BNC2: variants seen among roughly 807,000 people sequenced by gnomAD.
The protein encoded by BNC2 is zinc finger protein basonuclin-2.
In BNC2, 20 loss-of-function variants were observed where a neutral mutation model predicts 76.3. The ratio of observed to expected loss-of-function variants is 0.26; its 90% CI spans 0.18 to 0.38. The LOEUF (loss-of-function observed/expected upper bound fraction) is 0.38, where lower values mean the gene tolerates loss of function less well. Among genes scored for constraint, BNC2 ranks in the 10% least tolerant of loss-of-function variants. The probability of loss-of-function intolerance (pLI) is 1.00; values close to 1 mark genes in which losing one functional copy is unlikely to be tolerated. For missense variants in BNC2, 1,382 were observed against 1,399.8 expected (o/e 0.99, Z 0.20); for synonymous variants, 582 against 514.8 (o/e 1.13, Z -1.77).
At chr9:16,458,037 G>C (rs140757343) in intron 5 of BNC2, among the ~76,000 whole-genome samples, 253 of 152,206 alleles carry the variant, frequency 1.7e-3, no homozygotes, top group African/African-American at 5.9e-3. Context: ...TAGAATGTCT[G>C]TCTTTATTTG....
chr9:16,748,490 GGAGACAGAGTGA>G (rs1825075900), intron 1 of BNC2, among the ~76,000 whole-genome samples: 1 of 151,968 alleles, frequency 6.6e-6, no homozygotes, highest in Non-Finnish European at 1.5e-5. Flanking sequence ...CTCCAGCCTG[GGAGACAGAGTGA>G]GACATTGTCT....
intron 3 of BNC2, among the ~76,000 whole-genome samples, chr9:16,616,547 T>A (rs573432729): frequency 1.9e-4 from 28 of 150,868 alleles, no homozygotes; most frequent in African/African-American, 6.3e-4. Context: ...AAAAATTTTT[T>A]AAATTAGCCA....
intron 6 of BNC2, chr9:16,434,843 T>A (rs908959789): frequency 6.6e-6 from 3 of 457,130 alleles, no homozygotes; most frequent in Non-Finnish European, 8.8e-6. Flanking sequence ...ATAATCCGCA[T>A]GGTAGACTAT....
At chr9:16,750,632 C>T (rs894611152) in intron 1 of BNC2, among the ~76,000 whole-genome samples, 1 of 152,210 alleles carries the variant, frequency 6.6e-6, no homozygotes, top group Non-Finnish European at 1.5e-5. Flanking sequence ...AACAGAATAT[C>T]CTTCTTACTT....
intron 3 of BNC2, among the ~76,000 whole-genome samples, chr9:16,695,167 AATGGTAAAATAC>A (rs1294749317): frequency 6.6e-6 from 1 of 152,226 alleles, no homozygotes; most frequent in Middle Eastern, 3.2e-3. Context: ...ATGCTTTATA[AATGGTAAAATAC>A]ATGAGAGTTT....
chr9:16,866,181 A>C (rs1308559512), intron 1 of BNC2, among the ~76,000 whole-genome samples: 4 of 152,198 alleles, frequency 2.6e-5, no homozygotes, highest in African/African-American at 9.6e-5. Context: ...GGAAAGTGGT[A>C]AATATGAAAT....
At chr9:16,618,145 C>T (rs1488056687) in intron 3 of BNC2, among the ~76,000 whole-genome samples, 1 of 152,190 alleles carries the variant, frequency 6.6e-6, no homozygotes, top group African/African-American at 2.4e-5. Context: ...ACGCCAGCTA[C>T]CCTCTCAGTG....
chr9:16,785,649 C>T (rs1826270579), intron 1 of BNC2, among the ~76,000 whole-genome samples: 1 of 150,330 alleles, frequency 6.7e-6, no homozygotes, highest in Non-Finnish European at 1.5e-5. Context: ...CGGCCCGCCT[C>T]GGCCTCCCAA....
intron 5 of BNC2, among the ~76,000 whole-genome samples, chr9:16,496,044 G>C (rs915094855): frequency 7.2e-5 from 11 of 151,762 alleles, no homozygotes; most frequent in Admixed American, 2.0e-4. Flanking sequence ...AAGTAGCTGG[G>C]ATTACAGGTG....
intron 1 of BNC2, among the ~76,000 whole-genome samples, chr9:16,850,340 A>G (rs1247393894): frequency 6.6e-6 from 1 of 152,226 alleles, no homozygotes; most frequent in African/African-American, 2.4e-5. Flanking sequence ...GCATGAATCT[A>G]TAAGTGCACA....
intron 1 of BNC2, among the ~76,000 whole-genome samples, chr9:16,853,725 G>A (rs1173113488): frequency 2.0e-5 from 3 of 152,086 alleles, no homozygotes; most frequent in Non-Finnish European, 4.4e-5. Flanking sequence ...AAAATTAGCT[G>A]GACGTGGTAG....
chr9:16,454,064 G>A (rs1364735621), intron 5 of BNC2, among the ~76,000 whole-genome samples: 1 of 152,118 alleles, frequency 6.6e-6, no homozygotes, highest in South Asian at 2.1e-4. Flanking sequence ...GGAATCATTT[G>A]TGGCCCACCT....
intron 3 of BNC2, among the ~76,000 whole-genome samples, chr9:16,689,564 A>C (rs1823090068): frequency 6.6e-6 from 1 of 152,018 alleles, no homozygotes; most frequent in Admixed American, 6.6e-5. Flanking sequence ...TCAGTTCTGA[A>C]GTGTATGTGT....
At chr9:16,650,175 G>A (rs1821753875) in intron 3 of BNC2, among the ~76,000 whole-genome samples, 1 of 152,150 alleles carries the variant, frequency 6.6e-6, no homozygotes, top group African/African-American at 2.4e-5. Context: ...CAAGACACAG[G>A]AACTCTTTAA....
rs533191341 is a variant in BNC2, at chr9:16,421,818, T to C, written c.2640-2169A>G. Among the ~76,000 whole-genome samples, 78 of 152,354 alleles carry C rather than the reference T, an allele frequency of 5.1e-4. 1 individual carries two copies. The South Asian group carries it at 0.016, about 31-fold the overall frequency. The stretch of plus-strand genomic sequence containing the variant: ...AGTTACGCTATGCGCTATTATTCTA[T>C]TGATAAAACTATCTGCCAACTATGA... On this transcript the variant is annotated intron_variant, in intron 6 of 6. Transcript: ENST00000380672.
chr9:16,703,127 A>C (rs970757393), intron 3 of BNC2, among the ~76,000 whole-genome samples: 1 of 152,212 alleles, frequency 6.6e-6, no homozygotes, highest in Non-Finnish European at 1.5e-5. Flanking sequence ...TTATGAAAGG[A>C]AACTTTTAAT....
At chr9:16,799,082 T>C (rs1237142202) in intron 1 of BNC2, among the ~76,000 whole-genome samples, 2 of 152,122 alleles carry the variant, frequency 1.3e-5, no homozygotes, top group African/African-American at 4.8e-5. Flanking sequence ...CTTGTCTCCT[T>C]AGGCATGTCA....
intron 3 of BNC2, among the ~76,000 whole-genome samples, chr9:16,592,435 T>C (rs1031137937): frequency 6.6e-6 from 1 of 152,064 alleles, no homozygotes; most frequent in Admixed American, 6.6e-5. Flanking sequence ...GAGCCAGTCA[T>C]AAAAGACCAA....
At chr9:16,517,102 C>T (rs906435925) in intron 5 of BNC2, among the ~76,000 whole-genome samples, 1 of 152,078 alleles carries the variant, frequency 6.6e-6, no homozygotes, top group African/African-American at 2.4e-5. Flanking sequence ...TAACAACATT[C>T]CCCCATAATG....
Sources: allele counts gnomAD v4.1 joint callset (sites outside exome capture counted in the v4.1 genomes callset), GRCh38; gene constraint gnomAD v4.1.1; transcripts MANE v1.5; gene names NCBI Gene and HGNC (gene_info 2026-07-23, HGNC 2026-07-21).